The following ARID2 variants were observed in gnomAD, a reference collection of about 807,000 sequenced individuals.
ARID2 encodes AT-rich interaction domain 2.
ARID2 carries 32 observed loss-of-function variants against 184.6 expected under a neutral mutation model. That is an observed-to-expected ratio of 0.17 (90% CI 0.13 to 0.23). The LOEUF (loss-of-function observed/expected upper bound fraction) is 0.23, where lower values mean the gene tolerates loss of function less well. ARID2 is among the 10% of genes least tolerant of loss of function. ARID2 has a pLI of 1.00. For missense variants in ARID2, 1,696 were observed against 2,197.6 expected (o/e 0.77, Z 4.56); for synonymous variants, 836 against 772.6 (o/e 1.08, Z -1.36).
chr12:45,874,674 C>T (rs1282227356), intron 16 of ARID2, among the ~76,000 whole-genome samples: 1 of 152,178 alleles, frequency 6.6e-6, no homozygotes, highest in African/African-American at 2.4e-5. Flanking sequence ...TTCCATACTC[C>T]TGCTAATGTT....
chr12:45,753,352 G>T (rs1941504869), intron 3 of ARID2, among the ~76,000 whole-genome samples: 2 of 152,054 alleles, frequency 1.3e-5, no homozygotes, highest in African/African-American at 4.8e-5. Flanking sequence ...AGTGATTTAG[G>T]AGTTGGCTCT....
chr12:45,874,544 T>G (rs547666715), intron 16 of ARID2, among the ~76,000 whole-genome samples: 2 of 152,344 alleles, frequency 1.3e-5, no homozygotes, highest in East Asian at 3.9e-4. Context: ...ATTTTAGCAA[T>G]TCAGTTACAT....
intron 3 of ARID2, among the ~76,000 whole-genome samples, chr12:45,803,535 A>G (rs541210453): frequency 4.6e-4 from 70 of 152,308 alleles, no homozygotes; most frequent in African/African-American, 1.6e-3. Context: ...ATTGCAAAGC[A>G]TCACGTAACA....
intron 3 of ARID2, among the ~76,000 whole-genome samples, chr12:45,760,330 A>G (rs1004426361): frequency 6.6e-6 from 1 of 152,202 alleles, no homozygotes. Flanking sequence ...GTTTATTGTG[A>G]TGTCACATAC....
intron 20 of ARID2, among the ~76,000 whole-genome samples, chr12:45,897,082 A>G (rs1461406611): frequency 6.6e-6 from 1 of 152,218 alleles, no homozygotes; most frequent in African/African-American, 2.4e-5. Flanking sequence ...AAAGACAGCC[A>G]TAGAGACCAA....
At chr12:45,821,803 T>C (rs1282393719) in intron 6 of ARID2, among the ~76,000 whole-genome samples, 1 of 152,168 alleles carries the variant, frequency 6.6e-6, no homozygotes, top group Non-Finnish European at 1.5e-5. Context: ...ATGTGTGTTC[T>C]GAAACTATGC....
chr12:45,793,563 GTA>G (rs1297131264), intron 3 of ARID2, among the ~76,000 whole-genome samples: 5 of 150,652 alleles, frequency 3.3e-5, no homozygotes, highest in African/African-American at 9.8e-5. Context: ...GTGTGTGTGT[GTA>G]TATGTATTAT....
intron 20 of ARID2, among the ~76,000 whole-genome samples, chr12:45,902,995 C>T (rs558612341): frequency 1.3e-5 from 2 of 152,138 alleles, no homozygotes; most frequent in Admixed American, 1.3e-4. Flanking sequence ...AACTATCTGT[C>T]CAAGTTAAGA....
intron 3 of ARID2, 63 bp from the exon 4 acceptor site, chr12:45,811,355 G>A (rs2138082110): frequency 1.3e-6 from 2 of 1,486,392 alleles, no homozygotes; most frequent in South Asian, 1.3e-5. Context: ...AATATGTGGT[G>A]AGAGTTAAAA....
At chr12:45,895,778 C>T (rs1051303318) in intron 20 of ARID2, among the ~76,000 whole-genome samples, 2 of 152,198 alleles carry the variant, frequency 1.3e-5, no homozygotes, top group African/African-American at 2.4e-5. Context: ...CGTGATCCAC[C>T]TGCCTCGGCC....
chr12:45,829,365 T>C (rs11183217), intron 6 of ARID2, among the ~76,000 whole-genome samples: 45,309 of 151,974 alleles, frequency 0.3, 6,946 homozygotes, highest in Admixed American at 0.34. Context: ...TATTTTTATG[T>C]GTAGCTCATT....
chr12:45,796,624 C>T (rs557206761), intron 3 of ARID2, among the ~76,000 whole-genome samples: 1 of 152,264 alleles, frequency 6.6e-6, no homozygotes, highest in Admixed American at 6.5e-5. Context: ...AGCAGTTCGC[C>T]TGCTTTAGTC....
rs1332955123 is a variant in ARID2, at chr12:45,850,770, G to A, written c.2647G>A (p.Val883Ile). The change falls in exon 15 of 21, where the codon GTC becomes ATC. Residue 883 changes from valine to isoleucine, a missense_variant. Coordinates refer to ENST00000334344, the MANE Select transcript of ARID2 (RefSeq NM_152641.4). ...AGGACAAATGGTTACTATTGCTGGTGTCCCAAGTCCACAAGCCTCAAGGGT... is the reference window on the plus strand; with the variant it reads ...AGGACAAATGGTTACTATTGCTGGTATCCCAAGTCCACAAGCCTCAAGGGT... ...ATGQMVTIAGVPSPQASRVGF... is the reference protein window; with the variant it reads ...ATGQMVTIAGIPSPQASRVGF... The A allele has an allele frequency of 6.2e-7, 1 of 1,614,090 alleles. No individual in the cohort carries two copies. Among genetic ancestry groups the A allele is most frequent in the Middle Eastern group, 1.6e-4 (1 of 6,062 alleles).
chr12:45,890,199 CTG>C (rs1418582658), intron 16 of ARID2, among the ~76,000 whole-genome samples: 2 of 152,142 alleles, frequency 1.3e-5, no homozygotes, highest in Admixed American at 6.5e-5. Flanking sequence ...TTAAAAATAT[CTG>C]TTTTAAAATC....
intron 3 of ARID2, among the ~76,000 whole-genome samples, chr12:45,795,081 A>C (rs1005195174): frequency 2.0e-5 from 3 of 151,902 alleles, no homozygotes; most frequent in Non-Finnish European, 2.9e-5. Context: ...AACATGGAAG[A>C]GTTCTTAGAT....
chr12:45,812,536 G>T (rs1286112757), intron 4 of ARID2, among the ~76,000 whole-genome samples: 4 of 152,104 alleles, frequency 2.6e-5, no homozygotes, highest in Admixed American at 2.0e-4. Flanking sequence ...ATTGGGGTAG[G>T]GGTGAAGCAG....
In ARID2 at chr12:45,907,234, G is replaced by T. The variant is rs1944541228; in HGVS notation, c.*2156G>T. ...AGCACCTGGTAGTTGACATCATATG[G>T]GGAATTTTCTATTCACCGTACTTAT... On this transcript the variant is annotated 3_prime_UTR_variant, in exon 21 of 21. Transcript: ENST00000334344. 1 of 232,646 alleles carries T rather than the reference G, an allele frequency of 4.3e-6. No individual in the cohort carries two copies. Among genetic ancestry groups the T allele is most frequent in the Non-Finnish European group, 8.5e-6 (1 of 117,838 alleles). 14.4% of individuals were successfully genotyped at this position (232,646 alleles called of 1,614,324 possible).
Position 45,907,699 on chromosome 12 carries a change from A to C in ARID2, c.*2621A>C, listed in dbSNP as rs1360426527. The C allele has an allele frequency of 4.3e-6, 1 of 233,214 alleles. No homozygotes were observed. Among genetic ancestry groups the C allele is most frequent in the Non-Finnish European group, 8.5e-6 (1 of 117,792 alleles). 14.4% of individuals were successfully genotyped at this position (233,214 alleles called of 1,614,324 possible). On this transcript the variant is annotated 3_prime_UTR_variant, in exon 21 of 21. Transcript: ENST00000334344. Reference sequence around the variant, plus strand: ...TTGCTAGACAGAAACTTGCTGATTTACAGTATTGTTATTTTTGTCTAAAGT... The same window carrying C: ...TTGCTAGACAGAAACTTGCTGATTTCCAGTATTGTTATTTTTGTCTAAAGT...
chr12:45,866,420 A>G (rs1442329677), intron 16 of ARID2, among the ~76,000 whole-genome samples: 1 of 152,218 alleles, frequency 6.6e-6, no homozygotes, highest in African/African-American at 2.4e-5. Flanking sequence ...ATATGAACAG[A>G]ACTGTGGTGA....
Sources: allele counts gnomAD v4.1 joint callset (sites outside exome capture counted in the v4.1 genomes callset), GRCh38; gene constraint gnomAD v4.1.1; transcripts MANE v1.5; gene names NCBI Gene and HGNC (gene_info 2026-07-23, HGNC 2026-07-21).